The following MLLT3 variants were observed in gnomAD, a reference collection of about 807,000 sequenced individuals.
MLLT3 encodes protein AF-9.
MLLT3 carries 4 observed loss-of-function variants against 53.2 expected under a neutral mutation model. The ratio of observed to expected loss-of-function variants is 0.08; its 90% CI spans 0.04 to 0.17. The LOEUF (loss-of-function observed/expected upper bound fraction) is 0.17. Among genes scored for constraint, MLLT3 ranks in the 10% least tolerant of loss-of-function variants. The probability of loss-of-function intolerance (pLI) is 1.00; values close to 1 mark genes in which losing one functional copy is unlikely to be tolerated. For missense variants in MLLT3, 569 were observed against 684.0 expected, an observed-to-expected ratio of 0.83 and a Z score of 1.87; for synonymous variants, 283 against 230.6, an observed-to-expected ratio of 1.23 and a Z score of -2.06.
intron 2 of MLLT3, among the ~76,000 whole-genome samples, chr9:20,551,499 A>G (rs538599548): frequency 2.0e-5 from 3 of 152,296 alleles, no homozygotes; most frequent in African/African-American, 7.2e-5. Flanking sequence ...TGTACCAAAC[A>G]TTTTGAGTCC....
At chr9:20,436,505 G>A (rs1823407704) in intron 4 of MLLT3, among the ~76,000 whole-genome samples, 1 of 152,200 alleles carries the variant, frequency 6.6e-6, no homozygotes, top group South Asian at 2.1e-4. Context: ...CTTCAGAAAG[G>A]AGACTCATGC....
intron 4 of MLLT3, among the ~76,000 whole-genome samples, chr9:20,417,004 C>T (rs942004163): frequency 9.9e-5 from 15 of 151,506 alleles, no homozygotes; most frequent in Admixed American, 7.9e-4. Flanking sequence ...AGAATAAAAG[C>T]TTTCACCGAT....
intron 2 of MLLT3, among the ~76,000 whole-genome samples, chr9:20,581,226 G>A (rs888151657): frequency 6.6e-6 from 1 of 152,208 alleles, no homozygotes; most frequent in Non-Finnish European, 1.5e-5. Context: ...ATACACAGGT[G>A]AGAGTGGTAA....
chr9:20,354,749 C>A (rs73648204), intron 9 of MLLT3, 59 bp downstream of exon 9: 10 of 1,163,558 alleles, frequency 8.6e-6, no homozygotes, highest in Middle Eastern at 1.9e-4. Flanking sequence ...AAGGGCAACA[C>A]AAAGAAACGG....
At chr9:20,503,789 T>C (rs918320792) in intron 2 of MLLT3, among the ~76,000 whole-genome samples, 8 of 152,210 alleles carry the variant, frequency 5.3e-5, no homozygotes, top group Admixed American at 3.3e-4. Flanking sequence ...AAAAAATATA[T>C]GCAAACCATG....
intron 2 of MLLT3, among the ~76,000 whole-genome samples, chr9:20,526,385 T>C (rs1359759179): frequency 1.3e-5 from 2 of 152,304 alleles, no homozygotes; most frequent in East Asian, 3.9e-4. Flanking sequence ...TGCCAAAAGG[T>C]AGTACCATCC....
intron 5 of MLLT3, among the ~76,000 whole-genome samples, chr9:20,368,646 C>A (rs1821517259): frequency 6.6e-6 from 1 of 152,132 alleles, no homozygotes; most frequent in Non-Finnish European, 1.5e-5. Flanking sequence ...TAGCTTCTTA[C>A]CCATAAATAA....
At chr9:20,407,254 C>CAT (rs1381348376) in intron 5 of MLLT3, among the ~76,000 whole-genome samples, 1 of 152,172 alleles carries the variant, frequency 6.6e-6, no homozygotes, top group Non-Finnish European at 1.5e-5. Flanking sequence ...CTCTGTGAAA[C>CAT]ATAAATTCTC....
chr9:20,346,593 G>A lies in MLLT3; in HGVS notation c.1576-19C>T. Reference sequence around the variant, plus strand: ...TCACGATCTAGAGGAGTGAAGAAGAGAAAGTTTGGGCAATACGCAGCAAAC... The same window carrying A: ...TCACGATCTAGAGGAGTGAAGAAGAAAAAGTTTGGGCAATACGCAGCAAAC... On this transcript the variant is annotated intron_variant, in intron 10 of 10. Coordinates refer to ENST00000380338, the MANE Select transcript of MLLT3 (RefSeq NM_004529.4). The A allele has an allele frequency of 6.2e-7, 1 of 1,608,556 alleles. No individual in the cohort carries two copies. Among genetic ancestry groups the A allele is most frequent in the Non-Finnish European group, 8.5e-7 (1 of 1,178,080 alleles).
chr9:20,576,082 A>G lies in MLLT3; in HGVS notation c.193+44572T>C, dbSNP rs372900393. ...AATTTGCTGTAGCTTCTACATCAGC[A>G]CTTGCTGCTTCACCTTGCACTTTTA... On this transcript the variant is annotated intron_variant, in intron 2 of 10. Coordinates refer to ENST00000380338, the MANE Select transcript of MLLT3 (RefSeq NM_004529.4). 2.0e-5 allele frequency among the ~76,000 whole-genome samples: 3 copies of G among 152,362 alleles called. No individual in the cohort carries two copies. The East Asian group carries it at 5.8e-4, about 29-fold the overall frequency.
intron 4 of MLLT3, among the ~76,000 whole-genome samples, chr9:20,421,588 A>G (rs1007947842): frequency 5.3e-5 from 8 of 152,192 alleles, no homozygotes; most frequent in African/African-American, 1.9e-4. Flanking sequence ...ATAATTGTAT[A>G]ATGTCCTGAC....
intron 3 of MLLT3, among the ~76,000 whole-genome samples, chr9:20,451,190 C>T (rs780417855): frequency 9.1e-4 from 138 of 152,282 alleles, no homozygotes; most frequent in Non-Finnish European, 1.7e-3. Flanking sequence ...CCAATCTCTA[C>T]GCTGACACAC....
chr9:20,580,404 A>G (rs1454972671), intron 2 of MLLT3, among the ~76,000 whole-genome samples: 2 of 152,158 alleles, frequency 1.3e-5, no homozygotes, highest in African/African-American at 4.8e-5. Flanking sequence ...AATCTCTTGA[A>G]AAATACCCTT....
At chr9:20,505,013 C>T (rs1237326347) in intron 2 of MLLT3, among the ~76,000 whole-genome samples, 1 of 152,038 alleles carries the variant, frequency 6.6e-6, no homozygotes, top group Non-Finnish European at 1.5e-5. Context: ...AAAAGAAGGG[C>T]TCACCATAAG....
At chr9:20,389,859 A>G (rs1047461617) in intron 5 of MLLT3, among the ~76,000 whole-genome samples, 1 of 152,244 alleles carries the variant, frequency 6.6e-6, no homozygotes, top group Non-Finnish European at 1.5e-5. Flanking sequence ...ACAAAGTTGC[A>G]TTTTAAAAGT....
At chr9:20,536,365 AAAG>A (rs201446928) in intron 2 of MLLT3, among the ~76,000 whole-genome samples, 2,854 of 152,266 alleles carry the variant, frequency 0.019, 57 homozygotes, top group Admixed American at 0.045. Context: ...CACAGTAATA[AAAG>A]AAGACACCAT....
At chr9:20,428,161 C>A (rs1304291422) in intron 4 of MLLT3, among the ~76,000 whole-genome samples, 1 of 151,744 alleles carries the variant, frequency 6.6e-6, no homozygotes, top group Non-Finnish European at 1.5e-5. Flanking sequence ...CCAGACTTCA[C>A]AAAAACAATA....
rs180807923 is a variant in MLLT3, at chr9:20,529,584, C to G, written c.194-72798G>C. ...AAATGCTTGTTTGGAATAAGCCACT[C>G]ATGAAAATAATCATATTGAGATCAT... On this transcript the variant is annotated intron_variant, in intron 2 of 10. Coordinates refer to ENST00000380338, the MANE Select transcript of MLLT3 (RefSeq NM_004529.4). Among the ~76,000 whole-genome samples, 13 of 152,214 alleles carry G rather than the reference C, an allele frequency of 8.5e-5. No homozygotes were observed. The East Asian group carries it at 2.1e-3, about 25-fold the overall frequency.
At chr9:20,484,678 T>C (rs1349943958) in intron 2 of MLLT3, among the ~76,000 whole-genome samples, 2 of 152,192 alleles carry the variant, frequency 1.3e-5, no homozygotes, top group African/African-American at 4.8e-5. Flanking sequence ...TGAAATTTGC[T>C]TCTTTGTCTC....
Sources: gnomAD v4.1 joint callset for allele counts (sites outside exome capture counted in the v4.1 genomes callset) on GRCh38, gnomAD v4.1.1 for gene constraint, MANE v1.5 for transcripts, NCBI Gene and HGNC (gene_info 2026-07-23, HGNC 2026-07-21) for gene names.